The following EYS variants were observed in gnomAD, a reference collection of about 807,000 sequenced individuals.
The protein encoded by EYS is EGF-like photoreceptor maintenance factor.
In EYS, 250 loss-of-function variants were observed where a neutral mutation model predicts 282.1. The ratio of observed to expected loss-of-function variants is 0.89; its 90% CI spans 0.80 to 0.98. The LOEUF (loss-of-function observed/expected upper bound fraction) is 0.98. Among genes scored for constraint, EYS ranks in the 50% least tolerant of loss-of-function variants. The pLI is 0.00. For missense variants in EYS, 4,016 were observed against 3,709.0 expected, an observed-to-expected ratio of 1.08 and a Z score of -2.15; for synonymous variants, 1,355 against 1,282.9, an observed-to-expected ratio of 1.06 and a Z score of -1.20.
At position 64,857,610 on chromosome 6, in the gene EYS, C is replaced by T. The variant is rs576327367; in HGVS notation, c.2992+29087G>A. 3.9e-4 allele frequency among the ~76,000 whole-genome samples: 59 copies of T among 152,188 alleles called. No individual in the cohort carries two copies. The South Asian group carries it at 4.3e-3, about 11-fold the overall frequency. On this transcript the variant is annotated intron_variant, in intron 19 of 42. Coordinates refer to ENST00000503581, the MANE Select transcript of EYS (RefSeq NM_001142800.2). Reference sequence around the variant, plus strand: ...TTTAACATATTGATTTCCATTCTTTCGGATATGTATTCAGAAGTAGATATG... The same window carrying T: ...TTTAACATATTGATTTCCATTCTTTTGGATATGTATTCAGAAGTAGATATG...
chr6:63,853,088 TCTCTCACCA>T (rs1772302123), intron 36 of EYS, among the ~76,000 whole-genome samples: 1 of 152,166 alleles, frequency 6.6e-6, no homozygotes, highest in South Asian at 2.1e-4. Context: ...AAGGATGCCC[TCTCTCACCA>T]CTCCTATTCA....
chr6:64,531,864 T>C (rs763256960), intron 26 of EYS, among the ~76,000 whole-genome samples: 57 of 152,154 alleles, frequency 3.7e-4, no homozygotes, highest in Non-Finnish European at 7.9e-4. Context: ...CTCTTTCCCA[T>C]GGGCCTTCAT....
intron 2 of EYS, among the ~76,000 whole-genome samples, chr6:65,498,999 C>T (rs967493001): frequency 2.0e-5 from 3 of 151,880 alleles, no homozygotes; most frequent in Middle Eastern, 3.2e-3. Context: ...CCCAGAACTA[C>T]GATGGAGCCA....
At chr6:64,908,604 A>C (rs1270380818) in intron 16 of EYS, among the ~76,000 whole-genome samples, 1 of 152,016 alleles carries the variant, frequency 6.6e-6, no homozygotes, top group Non-Finnish European at 1.5e-5. Context: ...TTGAGTGATG[A>C]AAACAAGTCT....
At chr6:64,186,602 A>G (rs1764954012) in intron 31 of EYS, among the ~76,000 whole-genome samples, 1 of 152,132 alleles carries the variant, frequency 6.6e-6, no homozygotes, top group Non-Finnish European at 1.5e-5. Flanking sequence ...TTGTACTAGG[A>G]AATCACTTGA....
At chr6:64,871,770 A>G (rs1378597134) in intron 19 of EYS, among the ~76,000 whole-genome samples, 3 of 152,040 alleles carry the variant, frequency 2.0e-5, no homozygotes, top group African/African-American at 7.2e-5. Context: ...TCTTGAGAGA[A>G]GGTAGGTTTC....
chr6:64,957,516 A>T (rs1769751959), intron 14 of EYS, among the ~76,000 whole-genome samples: 1 of 152,198 alleles, frequency 6.6e-6, no homozygotes, highest in Non-Finnish European at 1.5e-5. Context: ...CTACTATTTG[A>T]TGGCACAACA....
chr6:64,091,748 C>T (rs143379579), intron 31 of EYS, among the ~76,000 whole-genome samples: 77 of 151,934 alleles, frequency 5.1e-4, no homozygotes, highest in African/African-American at 1.7e-3. Context: ...GGGATACTGA[C>T]ATTGTCTTTT....
chr6:64,085,591 A>G (rs1181913728), intron 31 of EYS, among the ~76,000 whole-genome samples: 1 of 152,120 alleles, frequency 6.6e-6, no homozygotes, highest in Non-Finnish European at 1.5e-5. Flanking sequence ...AATCAAGAAT[A>G]CTTTCTAGTT....
At chr6:64,680,081 T>C (rs865868251) in intron 22 of EYS, among the ~76,000 whole-genome samples, 2 of 151,802 alleles carry the variant, frequency 1.3e-5, no homozygotes, top group African/African-American at 4.8e-5. Context: ...ACCTAGATGA[T>C]GGAAAAAAAA....
chr6:64,743,686 A>G (rs936612023), intron 22 of EYS, among the ~76,000 whole-genome samples: 1 of 152,180 alleles, frequency 6.6e-6, no homozygotes, highest in African/African-American at 2.4e-5. Context: ...ATTGATTTAA[A>G]TATCCAAAGT....
At chr6:64,675,160 T>C (rs1205141633) in intron 22 of EYS, among the ~76,000 whole-genome samples, 1 of 152,132 alleles carries the variant, frequency 6.6e-6, no homozygotes, top group Non-Finnish European at 1.5e-5. Context: ...TTTTCTATCT[T>C]AAATTTTAGT....
rs372336813 is a variant in EYS, at chr6:65,051,322, A to G, written c.2137+6292T>C. ...GAACTCCTTCATTTAATGAAATTCAATATGTGCAGGTTTCATTTTATGAAT... is the reference window on the plus strand; with the variant it reads ...GAACTCCTTCATTTAATGAAATTCAGTATGTGCAGGTTTCATTTTATGAAT... On this transcript the variant is annotated intron_variant, in intron 13 of 42. Transcript: ENST00000503581. Among the ~76,000 whole-genome samples the G allele has an allele frequency of 2.4e-4, 37 of 151,728 alleles. No individual in the cohort carries two copies. The East Asian group carries it at 4.3e-3, about 18-fold the overall frequency.
intron 5 of EYS, among the ~76,000 whole-genome samples, chr6:65,457,928 C>T (rs1355791311): frequency 6.6e-6 from 1 of 152,058 alleles, no homozygotes; most frequent in African/African-American, 2.4e-5. Flanking sequence ...CAAAATTAGA[C>T]CACTATTTCT....
At chr6:64,995,263 G>A (rs142775921) in intron 14 of EYS, among the ~76,000 whole-genome samples, 27 of 152,232 alleles carry the variant, frequency 1.8e-4, no homozygotes, top group Non-Finnish European at 3.2e-4. Context: ...TTGTTTCTGA[G>A]AAAGTATTTT....
chr6:65,535,953 G>A (rs1767948841), intron 2 of EYS, among the ~76,000 whole-genome samples: 1 of 152,000 alleles, frequency 6.6e-6, no homozygotes, highest in South Asian at 2.1e-4. Context: ...ACAGAAAAGA[G>A]TGGAAACAGT....
At chr6:64,039,686 A>C (rs1770292932) in intron 33 of EYS, among the ~76,000 whole-genome samples, 1 of 152,194 alleles carries the variant, frequency 6.6e-6, no homozygotes, top group Non-Finnish European at 1.5e-5. Context: ...AAATGTTTCC[A>C]TGAAATTTAT....
intron 1 of EYS, among the ~76,000 whole-genome samples, chr6:65,643,326 T>C (rs958558488): frequency 6.6e-6 from 1 of 152,210 alleles, no homozygotes; most frequent in South Asian, 2.1e-4. Flanking sequence ...CCTGGGAATA[T>C]AACTCCATTG....
intron 14 of EYS, among the ~76,000 whole-genome samples, chr6:64,975,954 T>C (rs773856865): frequency 6.6e-6 from 1 of 151,964 alleles, no homozygotes. Flanking sequence ...TATACTATAT[T>C]TTCAGTAATA....
Sources: allele counts gnomAD v4.1 joint callset (sites outside exome capture counted in the v4.1 genomes callset), GRCh38; gene constraint gnomAD v4.1.1; transcripts MANE v1.5; gene names NCBI Gene and HGNC (gene_info 2026-07-23, HGNC 2026-07-21).